The following TRIM2 variants were observed in gnomAD, a reference collection of about 807,000 sequenced individuals.
TRIM2 encodes the protein tripartite motif-containing protein 2.
TRIM2 carries 20 observed loss-of-function variants against 75.2 expected under a neutral mutation model. The observed-to-expected ratio is 0.27, with a 90% CI of 0.19 to 0.39. TRIM2 has a LOEUF of 0.39. Ranked by LOEUF, TRIM2 falls within the 10% of genes least tolerant of loss-of-function variation. TRIM2 has a pLI of 1.00. For missense variants in TRIM2, 660 were observed against 990.8 expected (o/e 0.67, Z 4.48); for synonymous variants, 373 against 388.3 (o/e 0.96, Z 0.46).
chr4:153,287,758 G>C (rs886310175), intron 3 of TRIM2, among the ~76,000 whole-genome samples: 2 of 152,188 alleles, frequency 1.3e-5, no homozygotes, highest in Non-Finnish European at 2.9e-5. Flanking sequence ...TGTAATTATA[G>C]ATTATGCTGT....
At chr4:153,211,145 G>A (rs115726120) in intron 1 of TRIM2, among the ~76,000 whole-genome samples, 1,836 of 152,246 alleles carry the variant, frequency 0.012, 37 homozygotes, top group African/African-American at 0.042. Flanking sequence ...TCTGCACACC[G>A]ACCTGGTGGT....
chr4:153,239,194 T>C (rs1745819470), intron 1 of TRIM2, among the ~76,000 whole-genome samples: 1 of 151,960 alleles, frequency 6.6e-6, no homozygotes, highest in Non-Finnish European at 1.5e-5. Flanking sequence ...CTACTAAAAA[T>C]ACAAAAAATT....
At chr4:153,287,385 C>G (rs1560951884) in intron 3 of TRIM2, among the ~76,000 whole-genome samples, 1 of 152,168 alleles carries the variant, frequency 6.6e-6, no homozygotes, top group African/African-American at 2.4e-5. Context: ...AGTATCAGCC[C>G]TTTGATTGGA....
intron 1 of TRIM2, among the ~76,000 whole-genome samples, chr4:153,263,935 G>A (rs72729606): frequency 0.084 from 12,834 of 152,098 alleles, 709 homozygotes; most frequent in Middle Eastern, 0.13. Flanking sequence ...CCTCCCAAAG[G>A]CCTCACCTCC....
chr4:153,180,824 C>T (rs1334160464), intron 1 of TRIM2, among the ~76,000 whole-genome samples: 2 of 152,232 alleles, frequency 1.3e-5, no homozygotes, highest in African/African-American at 2.4e-5. Context: ...ACTAACACTC[C>T]TCTGCCAACT....
At chr4:153,234,455 T>C (rs1744484702) in intron 1 of TRIM2, among the ~76,000 whole-genome samples, 2 of 152,212 alleles carry the variant, frequency 1.3e-5, no homozygotes, top group African/African-American at 4.8e-5. Context: ...AAATGTGATC[T>C]CATGCAACCT....
chr4:153,231,039 G>C, intron 1 of TRIM2, among the ~76,000 whole-genome samples: 1 of 152,174 alleles, frequency 6.6e-6, no homozygotes, highest in East Asian at 1.9e-4. Context: ...AGTAAAGGGG[G>C]AGTCAGGACT....
At chr4:153,244,362 T>C (rs1166821348) in intron 1 of TRIM2, among the ~76,000 whole-genome samples, 1 of 34,452 alleles carries the variant, frequency 2.9e-5, no homozygotes, top group African/African-American at 2.5e-4. Flanking sequence ...TTCCTCTTCT[T>C]CTTCTTCTTC....
chr4:153,196,578 G>A (rs958338339), intron 1 of TRIM2, among the ~76,000 whole-genome samples: 18 of 152,206 alleles, frequency 1.2e-4, no homozygotes, highest in South Asian at 4.1e-4. Flanking sequence ...TACCCAGCAC[G>A]TAACAAATGC....
chr4:153,269,115 TAA>T (rs1389268575), intron 1 of TRIM2, among the ~76,000 whole-genome samples: 2 of 152,172 alleles, frequency 1.3e-5, no homozygotes, highest in Non-Finnish European at 2.9e-5. Flanking sequence ...GTCTATAAAT[TAA>T]AGTGACAAAA....
chr4:153,184,506 T>G (rs556855452), intron 1 of TRIM2, among the ~76,000 whole-genome samples: 1 of 152,244 alleles, frequency 6.6e-6, no homozygotes, highest in South Asian at 2.1e-4. Flanking sequence ...AATGGATGCA[T>G]TTAGAGTTGA....
chr4:153,186,305 C>G (rs1732590124), intron 1 of TRIM2, among the ~76,000 whole-genome samples: 1 of 152,134 alleles, frequency 6.6e-6, no homozygotes, highest in African/African-American at 2.4e-5. Flanking sequence ...AGGTTACATT[C>G]AGCCCTAACA....
intron 6 of TRIM2, among the ~76,000 whole-genome samples, chr4:153,309,348 A>G (rs1399153927): frequency 6.6e-6 from 1 of 152,184 alleles, no homozygotes; most frequent in Admixed American, 6.5e-5. Context: ...TTTCTCATCT[A>G]TAAAATGGGG....
At chr4:153,289,002 T>C (rs1031975071) in intron 3 of TRIM2, among the ~76,000 whole-genome samples, 1 of 152,164 alleles carries the variant, frequency 6.6e-6, no homozygotes, top group African/African-American at 2.4e-5. Flanking sequence ...GTTTTTTATA[T>C]ATGGTTTCCA....
At chr4:153,220,811 T>C (rs1739746115) in intron 1 of TRIM2, among the ~76,000 whole-genome samples, 1 of 152,168 alleles carries the variant, frequency 6.6e-6, no homozygotes, top group Non-Finnish European at 1.5e-5. Context: ...TATTTGTCAT[T>C]AGGGAAATGC....
At chr4:153,305,428 T>C (rs1345261253) in intron 6 of TRIM2, among the ~76,000 whole-genome samples, 1 of 152,200 alleles carries the variant, frequency 6.6e-6, no homozygotes, top group Non-Finnish European at 1.5e-5. Flanking sequence ...ATAGTTAACA[T>C]AAATAGAAAT....
intron 1 of TRIM2, 64 bp downstream of exon 1, chr4:153,204,624 G>C: frequency 6.5e-7 from 1 of 1,546,588 alleles, no homozygotes; most frequent in South Asian, 1.2e-5. Flanking sequence ...CCGGGGCTGG[G>C]AGAAACAAGT....
chr4:153,244,434 T>TCTTCTTCTTCCTC (rs1491131301), intron 1 of TRIM2, among the ~76,000 whole-genome samples: 1 of 117,440 alleles, frequency 8.5e-6, no homozygotes, highest in Non-Finnish European at 1.7e-5. Context: ...TTCTTCTTCT[T>TCTTCTTCTTCCTC]CTTTTAATTA....
At chr4:153,259,704 CT>C (rs755261520) in intron 1 of TRIM2, among the ~76,000 whole-genome samples, 1 of 152,130 alleles carries the variant, frequency 6.6e-6, no homozygotes, top group African/African-American at 2.4e-5. Flanking sequence ...TATATAAAGG[CT>C]GTAGTTCAGA....
Sources: allele counts gnomAD v4.1 joint callset (sites outside exome capture counted in the v4.1 genomes callset), GRCh38; gene constraint gnomAD v4.1.1; transcripts MANE v1.5; gene names NCBI Gene and HGNC (gene_info 2026-07-23, HGNC 2026-07-21).